MEIKIN: variants seen among roughly 807,000 people sequenced by gnomAD.
MEIKIN encodes the protein meiotic kinetochore factor.
chr5:131,928,758 G>A (rs1211824515), intron 5 of MEIKIN, among the ~76,000 whole-genome samples: 2 of 151,890 alleles, frequency 1.3e-5, no homozygotes, highest in Non-Finnish European at 2.9e-5. Context: ...GTGAGCTTGA[G>A]GACAGGTCAT....
At chr5:131,851,819 G>A (rs1750119895) in intron 10 of MEIKIN, among the ~76,000 whole-genome samples, 1 of 152,146 alleles carries the variant, frequency 6.6e-6, no homozygotes, top group Non-Finnish European at 1.5e-5. Context: ...TTTAAGGTGT[G>A]CAGGATGCAC....
chr5:131,807,273 A>G lies in MEIKIN; in HGVS notation c.1100-15T>C. 2.5e-6 allele frequency: 1 copy of G among 398,512 alleles called. No individual in the cohort carries two copies. Among genetic ancestry groups the G allele is most frequent in the Non-Finnish European group, 4.4e-6 (1 of 226,020 alleles). The allele number at this position is 398,512 out of a possible 1,614,324, so 24.7% of individuals were successfully genotyped here. ...TATTATGATATCTGGAGAAAAAAAA[A>G]TAACAATAGATTACTTTGTATACAA... On this transcript the variant is annotated splice_polypyrimidine_tract_variant and intron_variant, in intron 12 of 12. Coordinates refer to ENST00000442687, the MANE Select transcript of MEIKIN (RefSeq NM_001303622.2).
chr5:131,824,526 CAAAACAAAACAAA>C (rs757576901), intron 11 of MEIKIN, among the ~76,000 whole-genome samples: 2 of 150,944 alleles, frequency 1.3e-5, no homozygotes, highest in African/African-American at 4.9e-5. Context: ...TGTCTTAAAA[CAAAACAAAACAAA>C]AAAACAAAAC....
Position 131,902,463 on chromosome 5 carries a change from G to A in MEIKIN, c.703+9352C>T, listed in dbSNP as rs141968291. 2.4e-3 allele frequency among the ~76,000 whole-genome samples: 359 copies of A among 147,154 alleles called. 2 individuals are homozygous for A. Among genetic ancestry groups the A allele is most frequent in the Admixed American group, 7.9e-3 (118 of 15,000 alleles). On this transcript the variant is annotated intron_variant, in intron 8 of 12. Transcript: ENST00000442687. ...AAAAAAAAAAGAAGAAGTTTCCTGTGGCCTCCCCAGAAACCAGGAAGATGG... is the reference window on the plus strand; with the variant it reads ...AAAAAAAAAAGAAGAAGTTTCCTGTAGCCTCCCCAGAAACCAGGAAGATGG...
chr5:131,897,799 T>G (rs1190044023), intron 8 of MEIKIN, among the ~76,000 whole-genome samples: 4 of 152,218 alleles, frequency 2.6e-5, no homozygotes, highest in Non-Finnish European at 5.9e-5. Context: ...TAACCTTTTT[T>G]CAAGGTTTTT....
intron 11 of MEIKIN, among the ~76,000 whole-genome samples, chr5:131,830,251 T>A (rs1195240307): frequency 6.6e-6 from 1 of 151,934 alleles, no homozygotes; most frequent in African/African-American, 2.4e-5. Context: ...ACAAAAATTA[T>A]CCAGGTGTGC....
chr5:131,904,326 G>T (rs952853792), intron 8 of MEIKIN, among the ~76,000 whole-genome samples: 42 of 152,264 alleles, frequency 2.8e-4, no homozygotes, highest in African/African-American at 1.0e-3. Flanking sequence ...GGATCTAATA[G>T]ATATCTACAG....
intron 9 of MEIKIN, among the ~76,000 whole-genome samples, chr5:131,878,445 T>C (rs1237825019): frequency 2.0e-5 from 3 of 152,060 alleles, no homozygotes; most frequent in Non-Finnish European, 4.4e-5. Context: ...CAGGCACCCG[T>C]AGTCCCAGCT....
intron 9 of MEIKIN, among the ~76,000 whole-genome samples, chr5:131,870,866 T>A (rs964845498): frequency 3.3e-5 from 5 of 152,200 alleles, no homozygotes; most frequent in Admixed American, 2.6e-4. Context: ...TTGCCCCTTT[T>A]CTATTTGCTC....
At chr5:131,943,275 C>T (rs1450455529) in intron 3 of MEIKIN, among the ~76,000 whole-genome samples, 1 of 152,058 alleles carries the variant, frequency 6.6e-6, no homozygotes, top group Non-Finnish European at 1.5e-5. Context: ...ATCTATCTAT[C>T]TATTTCATAT....
intron 9 of MEIKIN, among the ~76,000 whole-genome samples, chr5:131,873,672 C>A (rs192301243): frequency 6.6e-6 from 1 of 152,210 alleles, no homozygotes; most frequent in African/African-American, 2.4e-5. Flanking sequence ...ACAGAAATCT[C>A]CACCCCAAAT....
At chr5:131,873,706 G>C (rs186861948) in intron 9 of MEIKIN, among the ~76,000 whole-genome samples, 141 of 151,212 alleles carry the variant, frequency 9.3e-4, no homozygotes, top group Non-Finnish European at 9.8e-4. Context: ...AGTCTTTTCA[G>C]CACCACACCT....
At chr5:131,896,911 T>C (rs1213274735) in intron 8 of MEIKIN, among the ~76,000 whole-genome samples, 1 of 152,246 alleles carries the variant, frequency 6.6e-6, no homozygotes, top group Non-Finnish European at 1.5e-5. Context: ...ATGTGTGAAT[T>C]TGATCCTGTC....
At chr5:131,864,909 G>T (rs934365194) in intron 9 of MEIKIN, among the ~76,000 whole-genome samples, 11 of 152,084 alleles carry the variant, frequency 7.2e-5, no homozygotes, top group Non-Finnish European at 1.5e-4. Flanking sequence ...GCTCATTCTT[G>T]TTAATTTTTT....
intron 8 of MEIKIN, among the ~76,000 whole-genome samples, chr5:131,909,147 C>A (rs1279594014): frequency 6.6e-6 from 1 of 152,130 alleles, no homozygotes; most frequent in African/African-American, 2.4e-5. Context: ...TGAGAAATCA[C>A]ATTACGTGAC....
chr5:131,875,643 A>G (rs1750598582), intron 9 of MEIKIN, among the ~76,000 whole-genome samples: 1 of 152,186 alleles, frequency 6.6e-6, no homozygotes, highest in Non-Finnish European at 1.5e-5. Flanking sequence ...GGAAAAAACT[A>G]CTTTCAAGTT....
Position 131,874,243 on chromosome 5 carries a change from C to T in MEIKIN, c.774+4735G>A, listed in dbSNP as rs890963661. ...GAAAAGATCAACAAAATTGACAGAC[C>T]GCTAGCAAGACTAATAAAGAAGAAA... On this transcript the variant is annotated intron_variant, in intron 9 of 12. Transcript: ENST00000442687. 3.9e-5 allele frequency among the ~76,000 whole-genome samples: 6 copies of T among 151,914 alleles called. 1 individual carries two copies. Among genetic ancestry groups the T allele is most frequent in the South Asian group, 4.2e-4 (2 of 4,808 alleles).
intron 8 of MEIKIN, among the ~76,000 whole-genome samples, chr5:131,903,621 C>G (rs921351747): frequency 2.0e-5 from 3 of 152,122 alleles, no homozygotes; most frequent in Non-Finnish European, 4.4e-5. Flanking sequence ...TGCCTTACAA[C>G]TGGTCCTAAA....
At chr5:131,927,790 G>T (rs1239512487) in intron 5 of MEIKIN, among the ~76,000 whole-genome samples, 2 of 151,850 alleles carry the variant, frequency 1.3e-5, no homozygotes, top group East Asian at 3.9e-4. Context: ...CTCTCTTTTG[G>T]TTACCATTTG....
Sources: allele counts gnomAD v4.1 joint callset (sites outside exome capture counted in the v4.1 genomes callset), GRCh38; gene constraint gnomAD v4.1.1; transcripts MANE v1.5; gene names NCBI Gene and HGNC (gene_info 2026-07-23, HGNC 2026-07-21).